The following SLC26A8 variants were observed in gnomAD, a reference collection of about 807,000 sequenced individuals.
SLC26A8 encodes testis anion transporter 1.
Under a neutral mutation model 105.0 loss-of-function variants are expected in SLC26A8, and 70 were observed. The observed-to-expected ratio is 0.67, with a 90% confidence interval of 0.55 to 0.81. The LOEUF (loss-of-function observed/expected upper bound fraction) is 0.81, where lower values mean the gene tolerates loss of function less well. Among genes scored for constraint, SLC26A8 ranks in the 40% least tolerant of loss-of-function variants. The pLI is 0.00. For missense variants in SLC26A8, 998 were observed against 1,181.8 expected (o/e 0.84, Z 2.28); for synonymous variants, 415 against 438.3 (o/e 0.95, Z 0.66).
Position 35,968,922 on chromosome 6 carries a change from C to T in SLC26A8, c.1320G>A (p.Leu440=). 1 of 1,612,352 alleles carries T rather than the reference C, an allele frequency of 6.2e-7. No individual in the cohort carries two copies. Among genetic ancestry groups the T allele is most frequent in the Non-Finnish European group, 8.5e-7 (1 of 1,179,472 alleles). Residue 440 remains leucine, a synonymous_variant, in exon 11 of 20, where the codon CTG becomes CTA. Transcript: ENST00000490799. ...FASLVGAGVM[L]LLMVKMGHFF... ...AGTGTCCCATCTTCACCATCAGGAG[C>T]AGCATCACACCTGCGCCTACCAGAG...
intron 2 of SLC26A8, among the ~76,000 whole-genome samples, chr6:36,014,042 G>A (rs1761932856): frequency 6.6e-6 from 1 of 152,216 alleles, no homozygotes; most frequent in Non-Finnish European, 1.5e-5. Context: ...CTGCTCGGCA[G>A]CCATGAGTAA....
chr6:36,009,490 T>A (rs1195502011), intron 3 of SLC26A8, among the ~76,000 whole-genome samples: 2 of 152,186 alleles, frequency 1.3e-5, no homozygotes, highest in East Asian at 1.9e-4. Flanking sequence ...GTGATACATC[T>A]ATACCATGGA....
At chr6:35,966,857 G>C (rs962827817) in intron 11 of SLC26A8, among the ~76,000 whole-genome samples, 1 of 152,122 alleles carries the variant, frequency 6.6e-6, no homozygotes, top group African/African-American at 2.4e-5. Flanking sequence ...CTAGCCAAAA[G>C]CAAGGGCTGT....
chr6:36,022,926 A>G (rs1465615664), intron 1 of SLC26A8, among the ~76,000 whole-genome samples: 1 of 150,452 alleles, frequency 6.6e-6, no homozygotes, highest in Non-Finnish European at 1.5e-5. Flanking sequence ...GGGGGCCATC[A>G]GTCTGTTTTA....
intron 19 of SLC26A8, among the ~76,000 whole-genome samples, chr6:35,947,695 T>C (rs1581619580): frequency 6.6e-6 from 1 of 151,660 alleles, no homozygotes; most frequent in Non-Finnish European, 1.5e-5. Context: ...CTTTGGGAGG[T>C]GGAGGTGGGT....
At chr6:35,979,483 A>T (rs922872806) in intron 8 of SLC26A8, among the ~76,000 whole-genome samples, 4 of 152,106 alleles carry the variant, frequency 2.6e-5, no homozygotes, top group African/African-American at 9.7e-5. Flanking sequence ...CTCAAAAAAA[A>T]TAATAAAATA....
intron 2 of SLC26A8, among the ~76,000 whole-genome samples, chr6:36,015,853 A>G (rs1761982155): frequency 6.6e-6 from 1 of 152,098 alleles, no homozygotes; most frequent in Non-Finnish European, 1.5e-5. Flanking sequence ...CACACTTGTC[A>G]CCAACATGCC....
At chr6:36,018,261 C>T (rs1762044766) in intron 2 of SLC26A8, among the ~76,000 whole-genome samples, 2 of 152,218 alleles carry the variant, frequency 1.3e-5, no homozygotes, top group Admixed American at 1.3e-4. Context: ...AGAAACAACT[C>T]AAATGTCTGT....
intron 17 of SLC26A8, among the ~76,000 whole-genome samples, chr6:35,951,928 G>A (rs780069901): frequency 3.4e-4 from 51 of 152,148 alleles, no homozygotes; most frequent in Non-Finnish European, 7.2e-4. Flanking sequence ...GGGGGTATAT[G>A]TACCTTGCAT....
intron 9 of SLC26A8, among the ~76,000 whole-genome samples, chr6:35,976,920 A>C (rs955864500): frequency 6.6e-6 from 1 of 152,152 alleles, no homozygotes; most frequent in Non-Finnish European, 1.5e-5. Flanking sequence ...CTTGGTAGAA[A>C]GAAAGCTAAA....
At chr6:36,012,653 G>A (rs1291545804) in intron 2 of SLC26A8, among the ~76,000 whole-genome samples, 2 of 152,114 alleles carry the variant, frequency 1.3e-5, no homozygotes, top group African/African-American at 2.4e-5. Flanking sequence ...TCCAGACATC[G>A]CCACATGTTC....
At chr6:35,962,454 T>C (rs1327564275) in intron 12 of SLC26A8, 72 bp downstream of exon 12, 2 of 1,249,116 alleles carry the variant, frequency 1.6e-6, no homozygotes, top group African/African-American at 3.0e-5. Context: ...CAGATCTCTT[T>C]TGTTTGTTCT....
chr6:35,981,414 G>A lies in SLC26A8; in HGVS notation c.1025+707C>T, dbSNP rs1449778198. Among the ~76,000 whole-genome samples, 2 of 152,184 alleles carry A rather than the reference G, an allele frequency of 1.3e-5. No individual in the cohort carries two copies. The highest frequency in any genetic ancestry group is 2.9e-5 in the Non-Finnish European group (2 of 68,022). On this transcript the variant is annotated intron_variant, in intron 8 of 19. Transcript: ENST00000490799. This position sits in a 1 kb window ranked among gnomAD's most constrained non-coding sequence, Gnocchi z 4.0. ...CCAGCACTATAGGAGGCCAAGGCAG[G>A]AGGAATGTTTGAGTCTGGGATTTTG... is the stretch of plus-strand genomic sequence containing the variant.
intron 19 of SLC26A8, among the ~76,000 whole-genome samples, chr6:35,950,059 A>C (rs1298478508): frequency 6.6e-6 from 1 of 151,772 alleles, no homozygotes; most frequent in African/African-American, 2.4e-5. Flanking sequence ...GGCCTCCCAA[A>C]GTGCTGGGAT....
intron 19 of SLC26A8, among the ~76,000 whole-genome samples, chr6:35,950,418 C>A (rs187527861): frequency 2.4e-4 from 37 of 152,094 alleles, no homozygotes; most frequent in Admixed American, 2.1e-3. Context: ...TCCCAAGCAA[C>A]TGGGACTACA....
At chr6:35,950,060 G>A (rs563949504) in intron 19 of SLC26A8, among the ~76,000 whole-genome samples, 11 of 152,110 alleles carry the variant, frequency 7.2e-5, no homozygotes, top group Non-Finnish European at 1.6e-4. Flanking sequence ...GCCTCCCAAA[G>A]TGCTGGGATT....
intron 1 of SLC26A8, among the ~76,000 whole-genome samples, chr6:36,021,782 ATTATT>A (rs1239232090): frequency 1.3e-5 from 2 of 151,940 alleles, no homozygotes; most frequent in Non-Finnish European, 2.9e-5. Flanking sequence ...ATATATGTAT[ATTATT>A]TTATTTTATT....
Position 35,968,611 on chromosome 6 carries a change from ATATATAT to A in SLC26A8, c.1365+259_1365+265del, listed in dbSNP as rs1562030777. ...TGTATGTGTGTGTGTGTGTGTGTGT[ATATATAT>A]ATATATATATATATATATATATATA... On this transcript the variant is annotated intron_variant, in intron 11 of 19. Coordinates refer to ENST00000490799, the MANE Select transcript of SLC26A8 (RefSeq NM_052961.4). Among the ~76,000 whole-genome samples, 432 of 44,116 alleles carry A rather than the reference ATATATAT, an allele frequency of 9.8e-3. 8 individuals are homozygous for A. The highest frequency in any genetic ancestry group is 0.012 in the Non-Finnish European group (332 of 26,864). The allele number at this position is 44,116 out of a possible 152,430, so 28.9% of individuals were successfully genotyped here.
At chr6:35,991,953 T>A in intron 6 of SLC26A8, 145 bp from the exon 7 acceptor site, 1 of 751,908 alleles carries the variant, frequency 1.3e-6, no homozygotes, top group Non-Finnish European at 1.9e-6. Flanking sequence ...ACTAGAACAG[T>A]GAGGGCAAGC....
Sources: gnomAD v4.1 joint callset for allele counts (sites outside exome capture counted in the v4.1 genomes callset) on GRCh38, gnomAD v4.1.1 for gene constraint, Gnocchi (gnomAD v3.1) non-coding constraint, MANE v1.5 for transcripts, NCBI Gene and HGNC (gene_info 2026-07-23, HGNC 2026-07-21) for gene names.